The following NALCN variants were observed in gnomAD, a reference collection of about 807,000 sequenced individuals.
NALCN encodes the protein sodium leak channel NALCN.
NALCN carries 111 observed loss-of-function variants against 225.3 expected under a neutral mutation model. The observed-to-expected ratio is 0.49, with a 90% CI of 0.42 to 0.58. The LOEUF (loss-of-function observed/expected upper bound fraction) is 0.58. NALCN is among the 20% of genes least tolerant of loss of function. The probability of loss-of-function intolerance (pLI) is 0.00; values close to 1 mark genes in which losing one functional copy is unlikely to be tolerated. For missense variants in NALCN, 1,378 were observed against 2,202.4 expected (o/e 0.63, Z 7.49); for synonymous variants, 764 against 769.0 (o/e 0.99, Z 0.11).
intron 6 of NALCN, among the ~76,000 whole-genome samples, chr13:101,347,059 G>A (rs1318517424): frequency 4.0e-5 from 6 of 151,664 alleles, no homozygotes; most frequent in Admixed American, 3.9e-4. Flanking sequence ...TTTATAATAT[G>A]CTTTCTCTAA....
At chr13:101,083,559 G>A (rs1056203181) in intron 31 of NALCN, 152 bp downstream of exon 31, 1 of 686,288 alleles carries the variant, frequency 1.5e-6, no homozygotes, top group South Asian at 2.0e-5. Context: ...ATAGCCTTAT[G>A]GAGAGATCTG....
chr13:101,389,577 G>A (rs1218638202), intron 3 of NALCN, among the ~76,000 whole-genome samples: 1 of 152,180 alleles, frequency 6.6e-6, no homozygotes, highest in African/African-American at 2.4e-5. Context: ...AGGCAGCAGA[G>A]CTCAGAACCT....
intron 40 of NALCN, among the ~76,000 whole-genome samples, chr13:101,064,920 T>C (rs1432026482): frequency 6.6e-6 from 1 of 152,226 alleles, no homozygotes; most frequent in Non-Finnish European, 1.5e-5. Flanking sequence ...ATGAAATGTC[T>C]GGAAAATCTG....
intron 17 of NALCN, among the ~76,000 whole-genome samples, chr13:101,128,025 A>C (rs117201259): frequency 0.013 from 1,917 of 152,346 alleles, 22 homozygotes; most frequent in South Asian, 0.051. Flanking sequence ...TTTCATGATG[A>C]GTAATTTCAG....
intron 34 of NALCN, among the ~76,000 whole-genome samples, chr13:101,080,697 CAT>C (rs2033588815): frequency 6.9e-6 from 1 of 145,570 alleles, no homozygotes; most frequent in Non-Finnish European, 1.5e-5. Context: ...TACACATACA[CAT>C]AATGCATCTT....
chr13:101,269,502 G>A (rs1275182348), intron 10 of NALCN, among the ~76,000 whole-genome samples: 1 of 152,132 alleles, frequency 6.6e-6, no homozygotes, highest in Non-Finnish European at 1.5e-5. Context: ...TTCCCCTGAG[G>A]TGTCTTAGCA....
Position 101,219,434 on chromosome 13 carries a change from T to C in NALCN, c.1626+9959A>G, listed in dbSNP as rs541155057. ...GACAGATGTTTGTGTTGGTTCAGCA[T>C]TGTTGCTCATTCTCCATTCAAACAC... On this transcript the variant is annotated intron_variant, in intron 13 of 43. Transcript: ENST00000251127. Among the ~76,000 whole-genome samples, 6 of 152,264 alleles carry C rather than the reference T, an allele frequency of 3.9e-5. No homozygotes were observed. In the East Asian group the frequency reaches 1.2e-3, roughly 29 times the overall value.
chr13:101,314,507 A>T (rs2044480839), intron 7 of NALCN, among the ~76,000 whole-genome samples: 2 of 152,120 alleles, frequency 1.3e-5, no homozygotes, highest in Non-Finnish European at 2.9e-5. Flanking sequence ...TATATTTTAC[A>T]GCCTGAATAG....
At chr13:101,074,402 C>T in intron 36 of NALCN, 112 bp downstream of exon 36, 1 of 961,692 alleles carries the variant, frequency 1.0e-6, no homozygotes, top group Non-Finnish European at 1.4e-6. Context: ...CAACTGATTA[C>T]TTCCCTTTCC....
chr13:101,228,422 TC>T (rs1340735456), intron 13 of NALCN, among the ~76,000 whole-genome samples: 1 of 152,162 alleles, frequency 6.6e-6, no homozygotes, highest in Admixed American at 6.5e-5. Context: ...CTCCCATAAT[TC>T]CCATGTGTTG....
chr13:101,407,236 C>A (rs1320658767), intron 1 of NALCN, among the ~76,000 whole-genome samples: 7 of 152,152 alleles, frequency 4.6e-5, no homozygotes, highest in Non-Finnish European at 8.8e-5. Context: ...AAAAGAACAT[C>A]TACTCTATAA....
intron 15 of NALCN, among the ~76,000 whole-genome samples, chr13:101,164,786 T>C (rs1203408797): frequency 1.3e-5 from 2 of 152,198 alleles, no homozygotes; most frequent in Non-Finnish European, 2.9e-5. Context: ...GAATTTATTA[T>C]AAAAGTAAGT....
At chr13:101,216,089 C>A (rs1388054952) in intron 13 of NALCN, among the ~76,000 whole-genome samples, 1 of 151,818 alleles carries the variant, frequency 6.6e-6, no homozygotes, top group African/African-American at 2.4e-5. Flanking sequence ...GCCTACTGCA[C>A]AGGAAAATGA....
intron 6 of NALCN, among the ~76,000 whole-genome samples, chr13:101,367,791 A>AATAATTTT (rs2046418636): frequency 1.3e-5 from 2 of 152,052 alleles, no homozygotes; most frequent in African/African-American, 4.8e-5. Context: ...ATGTAAAAAC[A>AATAATTTT]ATAATTTTAT....
intron 12 of NALCN, 99 bp downstream of exon 12, chr13:101,237,656 T>C (rs1566472087): frequency 1.9e-6 from 1 of 523,262 alleles, no homozygotes; most frequent in Non-Finnish European, 2.9e-6. Context: ...TATATATAAA[T>C]ATTATATATA....
At chr13:101,410,017 C>A (rs951573938) in intron 1 of NALCN, among the ~76,000 whole-genome samples, 2 of 152,154 alleles carry the variant, frequency 1.3e-5, no homozygotes, top group Non-Finnish European at 2.9e-5. Context: ...ACGGAGGCAG[C>A]TGAATGGTCT....
intron 7 of NALCN, among the ~76,000 whole-genome samples, chr13:101,341,627 T>C (rs2045561880): frequency 6.6e-6 from 1 of 152,204 alleles, no homozygotes; most frequent in Non-Finnish European, 1.5e-5. Context: ...TACCTCAAAG[T>C]ACATTTTTAT....
rs1179098103 is a variant in NALCN, at chr13:101,415,213, A to G, written c.-40+1100T>C. The stretch of plus-strand genomic sequence containing the variant: ...ATGAACATACAAATCACACACATAT[A>G]TATATATATATACATACATATATAT... On this transcript the variant is annotated intron_variant, in intron 1 of 43. Transcript: ENST00000251127. 1.2e-4 allele frequency among the ~76,000 whole-genome samples: 9 copies of G among 77,728 alleles called. 1 individual carries two copies. Among genetic ancestry groups the G allele is most frequent in the Admixed American group, 9.1e-4 (9 of 9,854 alleles). 51.0% of individuals were successfully genotyped at this position (77,728 alleles called of 152,430 possible).
At chr13:101,251,957 C>T (rs1422222266) in intron 11 of NALCN, among the ~76,000 whole-genome samples, 1 of 152,150 alleles carries the variant, frequency 6.6e-6, no homozygotes, top group Non-Finnish European at 1.5e-5. Context: ...ATTGGAAACA[C>T]GGATTTAATA....
Sources: allele counts gnomAD v4.1 joint callset (sites outside exome capture counted in the v4.1 genomes callset), GRCh38; gene constraint gnomAD v4.1.1; transcripts MANE v1.5; gene names NCBI Gene and HGNC (gene_info 2026-07-23, HGNC 2026-07-21).